Variants in FMN1 observed in about 807,000 individuals in gnomAD.
The protein encoded by FMN1 is formin 1.
FMN1 carries 110 observed loss-of-function variants against 132.4 expected under a neutral mutation model. The ratio of observed to expected loss-of-function variants is 0.83; its 90% CI spans 0.71 to 0.97. FMN1 has a LOEUF of 0.97. Among genes scored for constraint, FMN1 ranks in the 50% least tolerant of loss-of-function variants. The pLI, the probability that FMN1 is intolerant of heterozygous loss-of-function variation, is 0.00. For missense variants in FMN1, 1,792 were observed against 1,705.3 expected, an observed-to-expected ratio of 1.05 and a Z score of -0.90; for synonymous variants, 722 against 651.7, an observed-to-expected ratio of 1.11 and a Z score of -1.64.
intron 19 of FMN1, among the ~76,000 whole-genome samples, chr15:32,779,573 A>C (rs928936794): frequency 5.9e-5 from 9 of 152,188 alleles, no homozygotes; most frequent in Admixed American, 5.2e-4. Flanking sequence ...AAAGAATTAT[A>C]AACAGACACA....
chr15:32,982,962 A>G (rs1199662854), intron 7 of FMN1, among the ~76,000 whole-genome samples: 1 of 152,174 alleles, frequency 6.6e-6, no homozygotes, highest in Admixed American at 6.5e-5. Context: ...ATTCTTCATA[A>G]TAAATCTCTT....
chr15:32,790,783 A>C (rs143658705), intron 19 of FMN1, among the ~76,000 whole-genome samples: 1 of 152,330 alleles, frequency 6.6e-6, no homozygotes, highest in African/African-American at 2.4e-5. Context: ...TGCTCTTTCA[A>C]TATCCAGCTG....
At chr15:32,949,733 C>T (rs1382521503) in intron 9 of FMN1, among the ~76,000 whole-genome samples, 1 of 151,338 alleles carries the variant, frequency 6.6e-6, no homozygotes, top group South Asian at 2.1e-4. Flanking sequence ...AGAGCTCCTA[C>T]ACAGCAAAAG....
At chr15:32,862,801 T>A (rs1400421824) in intron 16 of FMN1, among the ~76,000 whole-genome samples, 2 of 152,212 alleles carry the variant, frequency 1.3e-5, no homozygotes, top group South Asian at 4.1e-4. Flanking sequence ...GTGGGCTTAG[T>A]TAAGTCAGAA....
At chr15:32,939,339 A>C (rs2061350614) in intron 9 of FMN1, among the ~76,000 whole-genome samples, 1 of 152,236 alleles carries the variant, frequency 6.6e-6, no homozygotes, top group Admixed American at 6.5e-5. Flanking sequence ...CGAAGAATTT[A>C]TTGCAGAGTA....
intron 19 of FMN1, among the ~76,000 whole-genome samples, chr15:32,781,343 T>C (rs1368673412): frequency 1.3e-5 from 2 of 152,234 alleles, no homozygotes; most frequent in Non-Finnish European, 2.9e-5. Context: ...ATTTAGCTAA[T>C]GTTATACAAT....
At chr15:32,775,658 G>C (rs975515186) in intron 20 of FMN1, among the ~76,000 whole-genome samples, 2 of 152,124 alleles carry the variant, frequency 1.3e-5, no homozygotes, top group East Asian at 1.9e-4. Context: ...GGCTTTCCCC[G>C]ACCAAAAAGT....
chr15:33,086,386 G>GC (rs1261263958), intron 5 of FMN1, among the ~76,000 whole-genome samples: 2 of 104,814 alleles, frequency 1.9e-5, no homozygotes, highest in Non-Finnish European at 4.2e-5. Context: ...TTATCAAATT[G>GC]TACAGTCGTC....
At chr15:32,865,614 A>G (rs920820864) in intron 16 of FMN1, among the ~76,000 whole-genome samples, 2 of 152,348 alleles carry the variant, frequency 1.3e-5, no homozygotes, top group East Asian at 3.9e-4. Flanking sequence ...AGGCGGGCAG[A>G]TCACCTGAGG....
chr15:33,109,100 G>A (rs2039598405), intron 4 of FMN1, among the ~76,000 whole-genome samples: 1 of 152,036 alleles, frequency 6.6e-6, no homozygotes, highest in Non-Finnish European at 1.5e-5. Flanking sequence ...AGCAAGGAAG[G>A]CATAAAACAT....
intron 4 of FMN1, among the ~76,000 whole-genome samples, chr15:33,103,781 C>T (rs1403573986): frequency 6.6e-6 from 1 of 152,046 alleles, no homozygotes. Context: ...TTCTATTACA[C>T]CTTGAATTTA....
At chr15:33,044,676 C>T (rs1181401970) in intron 6 of FMN1, among the ~76,000 whole-genome samples, 2 of 152,082 alleles carry the variant, frequency 1.3e-5, no homozygotes, top group African/African-American at 2.4e-5. Flanking sequence ...ACCCCAGGGT[C>T]ACCTCTCTAC....
intron 4 of FMN1, among the ~76,000 whole-genome samples, chr15:33,096,992 C>G (rs866967996): frequency 6.6e-6 from 1 of 152,036 alleles, no homozygotes; most frequent in African/African-American, 2.4e-5. Context: ...CCAGAAATCA[C>G]CTCAGTAGAA....
chr15:32,970,374 A>G (rs2031677428), intron 7 of FMN1, among the ~76,000 whole-genome samples: 1 of 152,162 alleles, frequency 6.6e-6, no homozygotes, highest in African/African-American at 2.4e-5. Flanking sequence ...TTTTTTGTCA[A>G]TTTATTTAAT....
intron 4 of FMN1, among the ~76,000 whole-genome samples, chr15:33,126,497 A>G (rs1271783457): frequency 6.6e-6 from 1 of 152,234 alleles, no homozygotes; most frequent in Non-Finnish European, 1.5e-5. Context: ...GACCAACTCT[A>G]CATCTACTCC....
chr15:32,820,055 C>G (rs941770900), intron 17 of FMN1, among the ~76,000 whole-genome samples: 5 of 152,150 alleles, frequency 3.3e-5, no homozygotes, highest in Admixed American at 3.3e-4. Context: ...ACATTTAAAA[C>G]TGATATGCCT....
At chr15:32,865,427 A>G (rs2059369884) in intron 16 of FMN1, among the ~76,000 whole-genome samples, 1 of 152,242 alleles carries the variant, frequency 6.6e-6, no homozygotes, top group Non-Finnish European at 1.5e-5. Context: ...TCATTATAAT[A>G]CTTACAATAT....
At chr15:32,854,548 A>T in intron 17 of FMN1, among the ~76,000 whole-genome samples, 1 of 152,132 alleles carries the variant, frequency 6.6e-6, no homozygotes, top group East Asian at 1.9e-4. Flanking sequence ...TGTTATTCCT[A>T]ATGTTACTTT....
At position 33,023,749 on chromosome 15, in the gene FMN1, A is replaced by G. The variant is rs912149044; in HGVS notation, c.2162-15674T>C. Among the ~76,000 whole-genome samples, 10 of 152,326 alleles carry G rather than the reference A, an allele frequency of 6.6e-5. No individual in the cohort carries two copies. In the East Asian group the frequency reaches 1.9e-3, roughly 29 times the overall value. On this transcript the variant is annotated intron_variant, in intron 6 of 20. Transcript: ENST00000616417. The stretch of plus-strand genomic sequence containing the variant: ...AGAAAAAAATACCAAAAAATAGAGT[A>G]CAAAAGGAAGCATATAAATAAAGCC...
Sources: gnomAD v4.1 joint callset for allele counts (sites outside exome capture counted in the v4.1 genomes callset) on GRCh38, gnomAD v4.1.1 for gene constraint, MANE v1.5 for transcripts, NCBI Gene and HGNC (gene_info 2026-07-23, HGNC 2026-07-21) for gene names.